VWA5A: variants seen among roughly 807,000 people sequenced by gnomAD.
VWA5A encodes the protein von Willebrand factor A domain-containing protein 5A.
VWA5A carries 77 observed loss-of-function variants against 84.6 expected under a neutral mutation model. The ratio of observed to expected loss-of-function variants is 0.91; its 90% CI spans 0.76 to 1.10. The LOEUF (loss-of-function observed/expected upper bound fraction) is 1.10, where lower values mean the gene tolerates loss of function less well. Ranked by LOEUF, VWA5A falls within the 50% of genes least tolerant of loss-of-function variation. The pLI is 0.00. For synonymous variants in VWA5A, 334 were observed against 350.1 expected, an observed-to-expected ratio of 0.95 and a Z score of 0.51; for missense variants, 973 against 963.0, an observed-to-expected ratio of 1.01 and a Z score of -0.14.
chr11:124,136,389 G>T, intron 13 of VWA5A, 96 bp downstream of exon 13: 2 of 1,522,942 alleles, frequency 1.3e-6, no homozygotes, highest in South Asian at 1.3e-5. Context: ...AGCCAGAGAC[G>T]GCACTTGCCA....
chr11:124,141,603 C>CGAAA lies in VWA5A; in HGVS notation c.1887_1890dup (p.Ala631LysfsTer6), dbSNP rs769121686. 1 of 1,613,840 alleles carries CGAAA rather than the reference C, an allele frequency of 6.2e-7. No individual in the cohort carries two copies. Among genetic ancestry groups the CGAAA allele is most frequent in the Non-Finnish European group, 8.5e-7 (1 of 1,179,942 alleles). ...TAATGTTTGGATTTTTTCAGGTTTTCGAAAGGCCTTACACTCTGACCGTCC... is the reference window on the plus strand; with the variant it reads ...TAATGTTTGGATTTTTTCAGGTTTTCGAAAGAAAGGCCTTACACTCTGACCGTCC... On this transcript the variant is annotated frameshift_variant, in exon 16 of 19. Coordinates refer to ENST00000456829, the MANE Select transcript of VWA5A (RefSeq NM_001130142.2). LOFTEE classifies it high-confidence loss of function.
intron 18 of VWA5A, 70 bp from the exon 19 acceptor site, chr11:124,145,796 G>A: frequency 6.8e-7 from 1 of 1,461,366 alleles, no homozygotes; most frequent in Non-Finnish European, 9.3e-7. Flanking sequence ...CAGGGTAGAT[G>A]ATCTGGGAGG....
chr11:124,144,857 T>C (rs1197219501), intron 17 of VWA5A, among the ~76,000 whole-genome samples: 1 of 152,218 alleles, frequency 6.6e-6, no homozygotes, highest in Non-Finnish European at 1.5e-5. Context: ...TGTTTATTGA[T>C]ATTTTTTCAT....
chr11:124,142,645 G>A, intron 17 of VWA5A, 73 bp downstream of exon 17: 1 of 1,580,840 alleles, frequency 6.3e-7, no homozygotes. Context: ...AGGTGATTCA[G>A]GACCTACCTG....
intron 15 of VWA5A, among the ~76,000 whole-genome samples, chr11:124,139,143 A>T (rs1860676924): frequency 6.6e-6 from 1 of 151,856 alleles, no homozygotes; most frequent in South Asian, 2.1e-4. Context: ...GTCTGTTTTT[A>T]TGCAAGTACC....
intron 11 of VWA5A, among the ~76,000 whole-genome samples, chr11:124,125,563 G>A (rs1219906964): frequency 2.0e-5 from 3 of 152,106 alleles, no homozygotes; most frequent in African/African-American, 2.4e-5. Flanking sequence ...GATTACAGGC[G>A]TGAGCCACCG....
intron 14 of VWA5A, 76 bp downstream of exon 14, chr11:124,136,750 T>TTCCGTCCCTCCC: frequency 1.2e-6 from 1 of 808,288 alleles, no homozygotes; most frequent in Non-Finnish European, 1.8e-6. Context: ...CCTTCCTTCA[T>TTCCGTCCCTCCC]TCCCTCCCTC....
At position 124,118,824 on chromosome 11, in the gene VWA5A, A is replaced by G. The variant is rs1425840480; in HGVS notation, c.645+116A>G. 8.0e-6 allele frequency: 11 copies of G among 1,378,422 alleles called. 1 individual carries two copies. Among genetic ancestry groups the G allele is most frequent in the Non-Finnish European group, 1.0e-5 (10 of 1,003,482 alleles). The allele number at this position is 1,378,422 out of a possible 1,614,324, so 85.4% of individuals were successfully genotyped here. ...AGAGGGGGTCCCACATGCTCCTTGC[A>G]TATCGTCATTTAATCTCCAGAGCCT... On this transcript the variant is annotated intron_variant, in intron 6 of 18. Coordinates refer to ENST00000456829, the MANE Select transcript of VWA5A (RefSeq NM_001130142.2).
chr11:124,127,281 C>A (rs1865032837), intron 11 of VWA5A, among the ~76,000 whole-genome samples: 1 of 151,032 alleles, frequency 6.6e-6, no homozygotes, highest in Non-Finnish European at 1.5e-5. Flanking sequence ...GTTTTCTGTT[C>A]CTGTGTTAGT....
At chr11:124,135,399 T>C (rs1434820641) in intron 12 of VWA5A, among the ~76,000 whole-genome samples, 4 of 151,800 alleles carry the variant, frequency 2.6e-5, no homozygotes, top group Admixed American at 1.3e-4. Context: ...GCATCCTCCA[T>C]GCAAAAGATA....
At chr11:124,133,831 A>T (rs2137651951) in intron 11 of VWA5A, among the ~76,000 whole-genome samples, 1 of 152,312 alleles carries the variant, frequency 6.6e-6, no homozygotes, top group East Asian at 1.9e-4. Context: ...TTTTGCTATT[A>T]TTGTAATATT....
At chr11:124,142,710 T>C in intron 17 of VWA5A, 138 bp downstream of exon 17, 1 of 1,184,846 alleles carries the variant, frequency 8.4e-7, no homozygotes, top group Non-Finnish European at 1.2e-6. Context: ...AAATAGAGGC[T>C]GAAGGTTTTT....
Position 124,123,384 on chromosome 11 carries a change from CT to C in VWA5A, c.950del (p.Leu317ArgfsTer6). On this transcript the variant is annotated frameshift_variant, in exon 9 of 19. Transcript: ENST00000456829. LOFTEE classifies it high-confidence loss of function. ...QAAKETLILL[L>X]KSLPIGCYFN... is the part of the protein sequence containing the mutation. ...CCTTCAGGAAACACTGATTTTGCTGCTGAAGAGTTTACCTATAGGCTGTTAT... is the reference window on the plus strand; with the variant it reads ...CCTTCAGGAAACACTGATTTTGCTGCGAAGAGTTTACCTATAGGCTGTTAT... The C allele has an allele frequency of 6.2e-7, 1 of 1,613,820 alleles. No individual in the cohort carries two copies. The highest frequency in any genetic ancestry group is 1.1e-5 in the South Asian group (1 of 90,986).
chr11:124,121,241 T>G (rs1864927644), intron 7 of VWA5A, among the ~76,000 whole-genome samples: 1 of 152,108 alleles, frequency 6.6e-6, no homozygotes, highest in Non-Finnish European at 1.5e-5. Context: ...AAAATTAAAT[T>G]TATAATTTAA....
At chr11:124,120,717 A>T (rs1411647063) in intron 7 of VWA5A, among the ~76,000 whole-genome samples, 2 of 152,154 alleles carry the variant, frequency 1.3e-5, no homozygotes, top group African/African-American at 4.8e-5. Flanking sequence ...TACGTTAGTT[A>T]TCTGCTTTTT....
intron 7 of VWA5A, among the ~76,000 whole-genome samples, chr11:124,120,797 T>C (rs1347643855): frequency 1.3e-5 from 2 of 152,212 alleles, no homozygotes; most frequent in Admixed American, 6.5e-5. Context: ...TACGTGTCAG[T>C]TAAGATTATT....
chr11:124,140,637 A>G (rs1048405070), intron 15 of VWA5A, among the ~76,000 whole-genome samples: 2 of 150,656 alleles, frequency 1.3e-5, no homozygotes, highest in Non-Finnish European at 3.0e-5. Context: ...CTAATTTTTA[A>G]TTTTCATATT....
At chr11:124,130,815 A>G (rs1194229963) in intron 11 of VWA5A, among the ~76,000 whole-genome samples, 6 of 152,308 alleles carry the variant, frequency 3.9e-5, no homozygotes, top group Admixed American at 2.0e-4. Context: ...AGCAATAAAT[A>G]AAAATCAATA....
At chr11:124,138,600 T>C (rs1041248784) in intron 15 of VWA5A, among the ~76,000 whole-genome samples, 9 of 152,236 alleles carry the variant, frequency 5.9e-5, no homozygotes, top group African/African-American at 2.2e-4. Context: ...TTGAGAAGTG[T>C]CTACTCAAGT....
Sources: allele counts gnomAD v4.1 joint callset (sites outside exome capture counted in the v4.1 genomes callset), GRCh38; gene constraint gnomAD v4.1.1; transcripts MANE v1.5; gene names NCBI Gene and HGNC (gene_info 2026-07-23, HGNC 2026-07-21).